NTRK1: variants seen among roughly 807,000 people sequenced by gnomAD.
NTRK1 encodes the protein high affinity nerve growth factor receptor.
NTRK1 carries 62 observed loss-of-function variants against 86.8 expected under a neutral mutation model. That is an observed-to-expected ratio of 0.71 (90% confidence interval 0.58 to 0.88). The LOEUF is 0.88. NTRK1 is among the 40% of genes least tolerant of loss of function. The pLI, the probability that NTRK1 is intolerant of heterozygous loss-of-function variation, is 0.00. For synonymous variants in NTRK1, 469 were observed against 456.6 expected, an observed-to-expected ratio of 1.03 and a Z score of -0.35; for missense variants, 967 against 1,078.4, an observed-to-expected ratio of 0.90 and a Z score of 1.45.
Position 156,861,072 on chromosome 1 carries a change from G to C in NTRK1, c.138G>C (p.Ser46=), listed in dbSNP as rs572625293. ...CPDACCPHGS[S]GLRCTRDGAL... ...ATGCCTGCTGCCCCCACGGCTCCTC[G>C]GGACTGCGATGCACCCGGGATGGGG... Residue 46 remains serine, a synonymous_variant, in exon 1 of 17, where the codon TCG becomes TCC. Transcript: ENST00000524377. 17 of 1,572,852 alleles carry C rather than the reference G, an allele frequency of 1.1e-5. No individual in the cohort carries two copies. The African/African-American group carries it at 2.0e-4, about 19-fold the overall frequency.
intron 2 of NTRK1, among the ~76,000 whole-genome samples, chr1:156,847,654 G>C (rs1655058686): frequency 6.6e-6 from 1 of 152,024 alleles, no homozygotes. Flanking sequence ...AAGCAGGATA[G>C]TCCAGGAGCA....
chr1:156,868,284 C>A (rs528610279), intron 5 of NTRK1, 35 bp downstream of exon 5: 1 of 1,601,150 alleles, frequency 6.2e-7, no homozygotes, highest in African/African-American at 1.3e-5. Flanking sequence ...TGTAAGGGGG[C>A]TGGGGAAGAG....
At chr1:156,838,929 TGCAGGTCTCAGA>T (rs1654668597) in intron 1 of NTRK1, among the ~76,000 whole-genome samples, 1 of 152,232 alleles carries the variant, frequency 6.6e-6, no homozygotes. Flanking sequence ...TGTGTGAGTG[TGCAGGTCTCAGA>T]GCCAGGGCTT....
In NTRK1 at chr1:156,868,157, G is replaced by A. The variant is rs150271893; in HGVS notation, c.482G>A (p.Arg161His). Residue 161 changes from arginine (R) to histidine (H), a missense_variant, in exon 5 of 17, where the codon CGC becomes CAC. Physicochemically the swap from Arg to His is conservative, Grantham distance 29. Coordinates refer to ENST00000524377, the MANE Select transcript of NTRK1 (RefSeq NM_002529.4). ...HCSCALRWLQRWEEEGLGGVP... is the reference protein window; with the variant it reads ...HCSCALRWLQHWEEEGLGGVP... ...TCTTGTGCCCTGCGCTGGCTACAGC[G>A]CTGGGAGGAGGAGGGACTGGGCGGA... 798 of 1,613,766 alleles carry A rather than the reference G, an allele frequency of 4.9e-4. No individual in the cohort carries two copies. Among genetic ancestry groups the A allele is most frequent in the Middle Eastern group, 6.6e-4 (4 of 6,084 alleles).
At chr1:156,859,837 C>G (rs935078688), upstream of NTRK1, among the ~76,000 whole-genome samples, 3 of 152,158 alleles carry the variant, frequency 2.0e-5, no homozygotes, top group African/African-American at 7.2e-5. This position sits in a 1 kb window ranked among gnomAD's most constrained non-coding sequence, Gnocchi z 6.2. Flanking sequence ...CCAAGAGACA[C>G]CCCTCTTCCC....
intron 2 of NTRK1, chr1:156,842,871 C>A: frequency 1.4e-6 from 1 of 720,890 alleles, no homozygotes; most frequent in Non-Finnish European, 2.3e-6. Flanking sequence ...TGACCTTTAC[C>A]CCAATTAGGA....
intron 7 of NTRK1, among the ~76,000 whole-genome samples, chr1:156,873,182 G>T (rs549054522): frequency 6.6e-6 from 1 of 151,994 alleles, no homozygotes; most frequent in Non-Finnish European, 1.5e-5. Flanking sequence ...GAGTAGCTGG[G>T]ATTACAGGAG....
chr1:156,840,505 C>A (rs935446715), intron 1 of NTRK1: 2 of 221,228 alleles, frequency 9.0e-6, no homozygotes, highest in African/African-American at 2.3e-5. Context: ...TCAAACATGT[C>A]GCTGGCCCTA....
intron 2 of NTRK1, among the ~76,000 whole-genome samples, chr1:156,855,497 G>A (rs957221455): frequency 1.3e-5 from 2 of 151,148 alleles, no homozygotes; most frequent in Non-Finnish European, 2.9e-5. Flanking sequence ...GAACCACCAC[G>A]CCCGGCCTGA....
chr1:156,867,671 CTT>C (rs71644586), intron 4 of NTRK1, among the ~76,000 whole-genome samples: 19 of 140,958 alleles, frequency 1.3e-4, no homozygotes, highest in East Asian at 4.1e-4. Context: ...CTTTTCTTTT[CTT>C]TTTTTTTTTT....
At chr1:156,851,102 G>T (rs1655188385) in intron 2 of NTRK1, 2 of 698,206 alleles carry the variant, frequency 2.9e-6, no homozygotes, top group African/African-American at 1.8e-5. Context: ...GTCCTGAGAA[G>T]TAAGTAATGT....
At chr1:156,845,406 A>G in intron 2 of NTRK1, 1 of 1,559,658 alleles carries the variant, frequency 6.4e-7, no homozygotes, top group Non-Finnish European at 8.7e-7. Flanking sequence ...GTCACCTTCC[A>G]AGGGGATCTG....
At chr1:156,875,984 GC>G (rs1293453037) in intron 12 of NTRK1, 95 bp from the exon 13 acceptor site, 1 of 1,587,508 alleles carries the variant, frequency 6.3e-7, no homozygotes, top group African/African-American at 1.3e-5. Context: ...CGTCTGGGCA[GC>G]CTTGTGCAGC....
rs5778003 is a variant in NTRK1 at position 156,830,550 on chromosome 1, CTTTTTTTTTT to C, written c.-63-11516_-63-11507del. 4.7e-5 allele frequency among the ~76,000 whole-genome samples: 5 copies of C among 105,382 alleles called. No individual in the cohort carries two copies. The South Asian group carries it at 9.3e-4, about 20-fold the overall frequency. The allele number at this position is 105,382 out of a possible 152,430, so 69.1% of individuals were successfully genotyped here. A position where few individuals can be genotyped will look rare whatever the true frequency, so the allele number is the denominator to read the frequency against. On this transcript the variant is annotated intron_variant, in intron 1 of 16. Transcript: ENST00000392302. ...TTTCTAGAAGAGAGGTTGTGGGATT[CTTTTTTTTTT>C]TTTTTTTTTTTTTTGAGACAGAGTC...
At chr1:156,816,583 C>T (rs1653957062) in intron 1 of NTRK1, 3 of 1,404,748 alleles carry the variant, frequency 2.1e-6, no homozygotes, top group African/African-American at 1.4e-5. Flanking sequence ...GGCCCCTCAT[C>T]CCTGAAGTGG....
chr1:156,853,885 C>A (rs550289421), intron 2 of NTRK1: 1 of 1,614,166 alleles, frequency 6.2e-7, no homozygotes, highest in African/African-American at 1.3e-5. Flanking sequence ...GCTTGTTGCC[C>A]ACGATGTGGT....
upstream of NTRK1, chr1:156,858,650 C>A (rs532591512): frequency 3.1e-6 from 5 of 1,593,482 alleles, no homozygotes; most frequent in Non-Finnish European, 4.3e-6. Flanking sequence ...TGTCCAGTCC[C>A]GGCTCTCCTC....
intron 2 of NTRK1, chr1:156,851,982 G>A (rs71630638): frequency 6.2e-7 from 1 of 1,610,968 alleles, no homozygotes; most frequent in Non-Finnish European, 8.5e-7. Flanking sequence ...ACAGAGTGCA[G>A]GCTGGCACAG....
chr1:156,869,311 C>T (rs554110368), intron 6 of NTRK1, among the ~76,000 whole-genome samples: 2 of 152,220 alleles, frequency 1.3e-5, no homozygotes, highest in East Asian at 3.9e-4. Flanking sequence ...AACTCCTGAC[C>T]TCGTGATCCA....
Sources: allele counts gnomAD v4.1 joint callset (sites outside exome capture counted in the v4.1 genomes callset), GRCh38; gene constraint gnomAD v4.1.1; non-coding constraint Gnocchi (gnomAD v3.1); transcripts MANE v1.5; gene names NCBI Gene and HGNC (gene_info 2026-07-23, HGNC 2026-07-21).